The following INPP5D variants were observed in gnomAD, a reference collection of about 807,000 sequenced individuals.
The protein encoded by INPP5D is phosphatidylinositol 3,4,5-trisphosphate 5-phosphatase 1.
In INPP5D, 33 loss-of-function variants were observed where a neutral mutation model predicts 122.9. The observed-to-expected ratio is 0.27, with a 90% CI of 0.20 to 0.36. INPP5D has a LOEUF of 0.36. Among genes scored for constraint, INPP5D ranks in the 10% least tolerant of loss-of-function variants. The pLI, the probability that INPP5D is intolerant of heterozygous loss-of-function variation, is 1.00. For synonymous variants in INPP5D, 584 were observed against 576.2 expected, an observed-to-expected ratio of 1.01 and a Z score of -0.19; for missense variants, 1,053 against 1,412.7, an observed-to-expected ratio of 0.75 and a Z score of 4.08.
At chr2:233,182,309 G>A in intron 18 of INPP5D, 101 bp from the exon 19 acceptor site, 1 of 1,538,076 alleles carries the variant, frequency 6.5e-7, no homozygotes, top group Non-Finnish European at 8.8e-7. Context: ...CTTCTGGAGG[G>A]CTCCATAACT....
rs1693241863 is a variant in INPP5D at position 233,128,916 on chromosome 2, C to T, written c.525-1592C>T. ...TTTAAGGCGGCTGGGCAGGGTGGTT[C>T]ACACCTGTTATCCCAGCACTTTGGG... is the stretch of plus-strand genomic sequence containing the variant. On this transcript the variant is annotated intron_variant, in intron 4 of 26. Coordinates refer to ENST00000445964, the MANE Select transcript of INPP5D (RefSeq NM_001017915.3). This position sits in a 1 kb window ranked among gnomAD's most constrained non-coding sequence, Gnocchi z 4.5. Among the ~76,000 whole-genome samples the T allele has an allele frequency of 2.0e-5, 3 of 152,148 alleles. No individual in the cohort carries two copies. The highest frequency in any genetic ancestry group is 7.2e-5 in the African/African-American group (3 of 41,420).
At chr2:233,172,572 G>A (rs1574784871) in intron 17 of INPP5D, among the ~76,000 whole-genome samples, 1 of 133,166 alleles carries the variant, frequency 7.5e-6, no homozygotes, top group South Asian at 2.2e-4. Context: ...AGGCGGAGCT[G>A]GCTTGAAGGG....
chr2:233,089,386 T>C (rs910406112), intron 2 of INPP5D, among the ~76,000 whole-genome samples: 3 of 152,360 alleles, frequency 2.0e-5, no homozygotes, highest in South Asian at 2.1e-4. Flanking sequence ...TCAGATGAGA[T>C]AACACTGTTT....
At chr2:233,101,959 G>A (rs1574726504) in intron 2 of INPP5D, among the ~76,000 whole-genome samples, 2 of 151,788 alleles carry the variant, frequency 1.3e-5, no homozygotes, top group Non-Finnish European at 2.9e-5. Flanking sequence ...GGAGTTGCTG[G>A]TCCATTAGCA....
At chr2:233,085,386 GA>G (rs369389658) in intron 2 of INPP5D, among the ~76,000 whole-genome samples, 3,407 of 120,260 alleles carry the variant, frequency 0.028, 70 homozygotes, top group African/African-American at 0.074. Context: ...CTGTCTCAAA[GA>G]AAAAAAAAAA....
In INPP5D at chr2:233,204,221, C is replaced by G. The variant is rs1349747165; in HGVS notation, c.3071C>G (p.Ser1024Cys). ...PEMFENPLYG[S>C]LSSFPKPAPR... ...ATGTTTGAGAACCCCCTGTATGGGT[C>G]CCTGAGTTCCTTCCCTAAGCCTGCT... The change falls in exon 26 of 27, where the codon TCC becomes TGC. Residue 1024 changes from serine (S) to cysteine (C), a missense_variant. Around this residue, in one of 6 missense-constraint regions of INPP5D, gnomAD observed 417 missense variants for 425.8 expected, o/e 0.98. Coordinates refer to ENST00000445964, the MANE Select transcript of INPP5D (RefSeq NM_001017915.3). 1 of 1,613,466 alleles carries G rather than the reference C, an allele frequency of 6.2e-7. No homozygotes were observed. Among genetic ancestry groups the G allele is most frequent in the South Asian group, 1.1e-5 (1 of 91,068 alleles).
intron 1 of INPP5D, among the ~76,000 whole-genome samples, chr2:233,063,874 G>C (rs963173081): frequency 6.6e-6 from 1 of 152,274 alleles, no homozygotes; most frequent in Admixed American, 6.5e-5. Context: ...GCTCCGGGGG[G>C]AGTCTGTGGG....
intron 11 of INPP5D, among the ~76,000 whole-genome samples, chr2:233,162,344 A>AC (rs1694219547): frequency 1.9e-5 from 2 of 107,846 alleles, no homozygotes; most frequent in Non-Finnish European, 4.9e-5. Flanking sequence ...AATAAATACT[A>AC]AATATATATG....
chr2:233,122,069 G>A, intron 2 of INPP5D, 38 bp from the exon 3 acceptor site: 1 of 1,608,308 alleles, frequency 6.2e-7, no homozygotes, highest in Non-Finnish European at 8.5e-7. Flanking sequence ...CATTCTAGTT[G>A]GTTAACATGT....
chr2:233,084,434 G>A (rs1300346680), intron 2 of INPP5D, among the ~76,000 whole-genome samples: 2 of 152,130 alleles, frequency 1.3e-5, no homozygotes, highest in Admixed American at 6.6e-5. Flanking sequence ...ATTCTTTCCC[G>A]ATTTGGAAGA....
chr2:233,119,215 C>G (rs1192139377), intron 2 of INPP5D, among the ~76,000 whole-genome samples: 1 of 152,228 alleles, frequency 6.6e-6, no homozygotes, highest in African/African-American at 2.4e-5. Context: ...CAGATACCCT[C>G]CAGCCGAGAA....
chr2:233,070,073 C>T (rs1032129772), intron 1 of INPP5D, among the ~76,000 whole-genome samples: 5 of 152,154 alleles, frequency 3.3e-5, no homozygotes, highest in Admixed American at 1.3e-4. Context: ...ATTGTGGTCA[C>T]GTTGAGCTTA....
intron 13 of INPP5D, among the ~76,000 whole-genome samples, chr2:233,166,565 C>T (rs1284487016): frequency 5.3e-5 from 8 of 152,120 alleles, no homozygotes; most frequent in Non-Finnish European, 1.2e-4. Context: ...AGGGCAGCTT[C>T]TGGGCTGTGC....
intron 3 of INPP5D, 40 bp from the exon 4 acceptor site, chr2:233,125,703 GCA>G: frequency 4.4e-6 from 7 of 1,574,170 alleles, no homozygotes; most frequent in African/African-American, 1.4e-5. Flanking sequence ...CGGGTTGTGC[GCA>G]CAGTGTCCTC....
intron 1 of INPP5D, among the ~76,000 whole-genome samples, chr2:233,065,307 G>GCT (rs1553564991): frequency 1.7e-5 from 2 of 116,976 alleles, no homozygotes; most frequent in African/African-American, 6.5e-5. Context: ...CACTTCTTGG[G>GCT]TTTTTTTTTT....
At chr2:233,077,672 A>C (rs1021945843) in intron 1 of INPP5D, among the ~76,000 whole-genome samples, 4 of 150,584 alleles carry the variant, frequency 2.7e-5, no homozygotes, top group African/African-American at 4.9e-5. Context: ...AAAAAAAAAA[A>C]AAAAAAAAAA....
intron 3 of INPP5D, among the ~76,000 whole-genome samples, chr2:233,123,968 G>C (rs1201530019): frequency 6.6e-6 from 1 of 152,172 alleles, no homozygotes; most frequent in Non-Finnish European, 1.5e-5. Flanking sequence ...CTACCTGAGG[G>C]GGTGGGAGGA....
rs1018606879 is a variant in INPP5D, at chr2:233,138,661, A to C, written c.666-1181A>C. On this transcript the variant is annotated intron_variant, in intron 5 of 26. Coordinates refer to ENST00000445964, the MANE Select transcript of INPP5D (RefSeq NM_001017915.3). The stretch of plus-strand genomic sequence containing the variant: ...TGATCAAGAGCCGTAATCTCTGGTT[A>C]TCCTAATTCTGTAATTAAAAATTAG... 2.0e-5 allele frequency among the ~76,000 whole-genome samples: 3 copies of C among 152,324 alleles called. No homozygotes were observed. The South Asian group carries it at 6.2e-4, about 32-fold the overall frequency.
intron 6 of INPP5D, among the ~76,000 whole-genome samples, chr2:233,145,611 T>C (rs1422212746): frequency 6.6e-6 from 1 of 151,842 alleles, no homozygotes; most frequent in African/African-American, 2.4e-5. Context: ...CAGGGGAAAT[T>C]GAGTCTCTGG....
Sources: allele counts gnomAD v4.1 joint callset (sites outside exome capture counted in the v4.1 genomes callset), GRCh38; gene constraint gnomAD v4.1.1; regional missense constraint gnomAD v4.1.1; non-coding constraint Gnocchi (gnomAD v3.1); transcripts MANE v1.5; gene names NCBI Gene and HGNC (gene_info 2026-07-23, HGNC 2026-07-21).